YEATS4: variants seen among roughly 807,000 people sequenced by gnomAD.
YEATS4 encodes the protein YEATS domain-containing protein 4.
In YEATS4, 17 loss-of-function variants were observed where a neutral mutation model predicts 30.1. The observed-to-expected ratio is 0.56, with a 90% CI of 0.39 to 0.85. YEATS4 has a LOEUF of 0.85. Ranked by LOEUF, YEATS4 falls within the 40% of genes least tolerant of loss-of-function variation. The pLI, the probability that YEATS4 is intolerant of heterozygous loss-of-function variation, is 0.00. For missense variants in YEATS4, 142 were observed against 268.3 expected (o/e 0.53, Z 3.29); for synonymous variants, 85 against 87.5 (o/e 0.97, Z 0.16).
intron 2 of YEATS4, among the ~76,000 whole-genome samples, chr12:69,363,125 T>C (rs1279907936): frequency 6.6e-6 from 1 of 151,012 alleles, no homozygotes. Context: ...CCCGAGTAGC[T>C]GGGACTACAG....
intron 6 of YEATS4, among the ~76,000 whole-genome samples, chr12:69,385,866 A>C (rs1876257246): frequency 6.6e-6 from 1 of 152,182 alleles, no homozygotes. Context: ...TATGATTAGC[A>C]CCATTTTGTA....
chr12:69,424,085 C>T, the YEATS4 span, among the ~76,000 whole-genome samples: 2,410 of 152,194 alleles, frequency 0.016, 66 homozygotes, highest in African/African-American at 0.055. Context: ...TGAAAGCCAA[C>T]AAGTTGAAGA....
the YEATS4 span, among the ~76,000 whole-genome samples, chr12:69,403,319 G>C: frequency 1.7e-4 from 26 of 152,204 alleles, no homozygotes; most frequent in Admixed American, 5.9e-4. Flanking sequence ...GCTCACACCT[G>C]TAATCCCAGC....
At chr12:69,360,167 G>C in intron 1 of YEATS4, 144 bp downstream of exon 1, 1 of 908,114 alleles carries the variant, frequency 1.1e-6, no homozygotes, top group Non-Finnish European at 1.6e-6. Flanking sequence ...GAGCGAGTCA[G>C]AGCCATTGAG....
chr12:69,374,109 T>A (rs2120976773), intron 6 of YEATS4, among the ~76,000 whole-genome samples: 1 of 151,578 alleles, frequency 6.6e-6, no homozygotes, highest in Middle Eastern at 3.4e-3. Context: ...ATTCTGGATC[T>A]TTTGTGGTTC....
At chr12:69,392,156 A>G (rs1222550123), downstream of YEATS4, among the ~76,000 whole-genome samples, 2 of 152,216 alleles carry the variant, frequency 1.3e-5, no homozygotes, top group African/African-American at 4.8e-5. Context: ...TGCATCATTC[A>G]TCATTAGGAA....
chr12:69,393,793 ATTG>A (rs1292277922), downstream of YEATS4, among the ~76,000 whole-genome samples: 3 of 152,172 alleles, frequency 2.0e-5, no homozygotes, highest in African/African-American at 4.8e-5. Context: ...ATGGGAATTT[ATTG>A]TTTTCTGAAC....
rs774420225 is a variant in YEATS4 at position 69,365,771 on chromosome 12, A to T, written c.239-19A>T. On this transcript the variant is annotated intron_variant, in intron 3 of 6. Transcript: ENST00000247843. ...TAGGAAACTAAACCGATAATTTACT[A>T]TTTTTTTTCTGTCTTTAGTTGTTAC... 11 of 1,601,944 alleles carry T rather than the reference A, an allele frequency of 6.9e-6. No homozygotes were observed. In the East Asian group the frequency reaches 2.5e-4, roughly 36 times the overall value.
At chr12:69,375,389 G>T (rs1217722533) in intron 6 of YEATS4, among the ~76,000 whole-genome samples, 1 of 151,638 alleles carries the variant, frequency 6.6e-6, no homozygotes, top group Non-Finnish European at 1.5e-5. Context: ...CGGGATGACG[G>T]CCGGGAAGAG....
intron 6 of YEATS4, among the ~76,000 whole-genome samples, chr12:69,377,885 A>G (rs315123): frequency 0.059 from 9,010 of 152,204 alleles, 391 homozygotes; most frequent in African/African-American, 0.12. Flanking sequence ...ATTAAGTCCA[A>G]TGGTATTTTT....
rs1875130548 is a variant in YEATS4 at position 69,360,103 on chromosome 12, G to T, written c.51+80G>T. ...CTGCGCGGCGCGGGGAGGGCCCACT[G>T]GGTTTCCTTTCGCGCCTTTTCTCCT... On this transcript the variant is annotated intron_variant, in intron 1 of 6. Transcript: ENST00000247843. 3 of 1,502,932 alleles carry T rather than the reference G, an allele frequency of 2.0e-6. No homozygotes were observed. In the Admixed American group the frequency reaches 5.9e-5, roughly 30 times the overall value. 93.1% of individuals were successfully genotyped at this position (1,502,932 alleles called of 1,614,324 possible). A position where few individuals can be genotyped will look rare whatever the true frequency, so the allele number is the denominator to read the frequency against.
At chr12:69,406,831 T>C in the YEATS4 span, among the ~76,000 whole-genome samples, 1 of 151,318 alleles carries the variant, frequency 6.6e-6, no homozygotes, top group African/African-American at 2.5e-5. Flanking sequence ...CTTTCTTTTT[T>C]TGAGACAGGG....
intron 1 of YEATS4, among the ~76,000 whole-genome samples, chr12:69,360,536 C>T (rs1368151499): frequency 6.6e-6 from 1 of 152,198 alleles, no homozygotes; most frequent in Non-Finnish European, 1.5e-5. Context: ...AAGAGCATAA[C>T]ACTGTGCCTG....
chr12:69,360,037 C>T lies in YEATS4; in HGVS notation c.51+14C>T. ...GGGAGAGTAAAGGTCAGTGCCCGGA[C>T]CGCCCCTCTTCCGGGGTGGCTCTCC... On this transcript the variant is annotated intron_variant, in intron 1 of 6. Coordinates refer to ENST00000247843, the MANE Select transcript of YEATS4 (RefSeq NM_006530.4). 2 of 1,612,120 alleles carry T rather than the reference C, an allele frequency of 1.2e-6. No individual in the cohort carries two copies. The highest frequency in any genetic ancestry group is 8.5e-7 in the Non-Finnish European group (1 of 1,179,064).
In YEATS4 at chr12:69,390,405, T is replaced by C. The variant is rs1226669470; in HGVS notation, c.*89T>C. 8.0e-7 allele frequency: 1 copy of C among 1,257,436 alleles called. No homozygotes were observed. The highest frequency in any genetic ancestry group is 1.5e-5 in the African/African-American group (1 of 64,786). 77.9% of individuals were successfully genotyped at this position (1,257,436 alleles called of 1,614,324 possible). A position where few individuals can be genotyped will look rare whatever the true frequency, so the allele number is the denominator to read the frequency against. ...TGGACTTACTGCAAATGCTGTGATGTTTCTTAGAGGAACTTCATATACAGC... is the reference window on the plus strand; with the variant it reads ...TGGACTTACTGCAAATGCTGTGATGCTTCTTAGAGGAACTTCATATACAGC... On this transcript the variant is annotated 3_prime_UTR_variant, in exon 7 of 7. Coordinates refer to ENST00000247843, the MANE Select transcript of YEATS4 (RefSeq NM_006530.4).
chr12:69,422,095 G>A, the YEATS4 span, among the ~76,000 whole-genome samples: 2 of 152,178 alleles, frequency 1.3e-5, no homozygotes, highest in African/African-American at 4.8e-5. Flanking sequence ...TCAAAGGGAA[G>A]ATAGAAGATT....
the YEATS4 span, among the ~76,000 whole-genome samples, chr12:69,402,716 CTTTCT>C: frequency 2.2e-5 from 3 of 139,076 alleles, no homozygotes; most frequent in Admixed American, 2.3e-4. Context: ...ATTTTTCTTT[CTTTCT>C]TTTCTTTTTT....
chr12:69,382,234 G>C (rs1876107663), intron 6 of YEATS4, among the ~76,000 whole-genome samples: 1 of 152,198 alleles, frequency 6.6e-6, no homozygotes, highest in Non-Finnish European at 1.5e-5. Flanking sequence ...CCAAATAACA[G>C]ACTGTCTTAA....
chr12:69,372,459 C>G (rs1875679578), intron 6 of YEATS4, among the ~76,000 whole-genome samples: 1 of 150,750 alleles, frequency 6.6e-6, no homozygotes, highest in Admixed American at 6.7e-5. Flanking sequence ...GTACCAATAA[C>G]CATCCTTTAC....
Sources: gnomAD v4.1 joint callset for allele counts (sites outside exome capture counted in the v4.1 genomes callset) on GRCh38, gnomAD v4.1.1 for gene constraint, MANE v1.5 for transcripts, NCBI Gene and HGNC (gene_info 2026-07-23, HGNC 2026-07-21) for gene names.